The following NUMA1 variants were observed in gnomAD, a reference collection of about 807,000 sequenced individuals.
NUMA1 encodes the protein SP-H antigen.
NUMA1 carries 62 observed loss-of-function variants against 237.1 expected under a neutral mutation model. That is an observed-to-expected ratio of 0.26 (90% CI 0.21 to 0.32). The LOEUF (loss-of-function observed/expected upper bound fraction) is 0.32, where lower values mean the gene tolerates loss of function less well. Among genes scored for constraint, NUMA1 ranks in the 10% least tolerant of loss-of-function variants. The pLI, the probability that NUMA1 is intolerant of heterozygous loss-of-function variation, is 1.00. For synonymous variants in NUMA1, 1,028 were observed against 1,066.1 expected, an observed-to-expected ratio of 0.96 and a Z score of 0.70; for missense variants, 2,533 against 2,666.5, an observed-to-expected ratio of 0.95 and a Z score of 1.10.
chr11:72,004,390 C>T lies in NUMA1; in HGVS notation c.6007-49G>A, dbSNP rs201941227. The T allele has an allele frequency of 1.5e-5, 23 of 1,535,850 alleles. No individual in the cohort carries two copies. The East Asian group carries it at 5.2e-4, about 34-fold the overall frequency. On this transcript the variant is annotated intron_variant, in intron 24 of 26. Transcript: ENST00000393695. ...CAGACAGTAGCAAGAGGAGTCACAT[C>T]TGAAGCCAGGTGTCTTGTCCTCTCA...
Position 72,021,226 on chromosome 11 carries a change from GTCC to G in NUMA1, c.435_437del (p.Glu145del), listed in dbSNP as rs774368557. 6.2e-7 allele frequency: 1 copy of G among 1,614,102 alleles called. No individual in the cohort carries two copies. Among genetic ancestry groups the G allele is most frequent in the South Asian group, 1.1e-5 (1 of 91,082 alleles). On this transcript the variant is annotated inframe_deletion, in exon 8 of 27. Transcript: ENST00000393695. ...TACCTTTCTGTAGGAAGTTCTCTAGGTCCTCATTAAGGTTTAGCCCGTCCTCAT... is the reference window on the plus strand; with the variant it reads ...TACCTTTCTGTAGGAAGTTCTCTAGGTCATTAAGGTTTAGCCCGTCCTCAT...
At chr11:72,055,816 CAA>C (rs34833139) in intron 2 of NUMA1, among the ~76,000 whole-genome samples, 1 of 127,274 alleles carries the variant, frequency 7.9e-6, no homozygotes, top group East Asian at 2.3e-4. Context: ...CCCCATCTCT[CAA>C]AAAAAAAAAA....
intron 8 of NUMA1, 94 bp from the exon 9 acceptor site, chr11:72,019,711 G>T: frequency 1.5e-6 from 2 of 1,364,750 alleles, no homozygotes; most frequent in South Asian, 1.3e-5. Context: ...TCGCCTTAGT[G>T]GGAGTATATC....
intron 3 of NUMA1, among the ~76,000 whole-genome samples, chr11:72,030,302 C>A (rs2135540923): frequency 6.8e-6 from 1 of 147,530 alleles, no homozygotes; most frequent in African/African-American, 2.5e-5. Flanking sequence ...CATCACTGTA[C>A]TCTAGCCTGA....
Position 72,015,300 on chromosome 11 carries a change from A to G in NUMA1, c.2203T>C (p.Cys735Arg), listed in dbSNP as rs1381978137. The G allele has an allele frequency of 6.2e-7, 1 of 1,613,578 alleles. No individual in the cohort carries two copies. The highest frequency in any genetic ancestry group is 8.5e-7 in the Non-Finnish European group (1 of 1,180,026). Residue 735 changes from cysteine to arginine, a missense_variant, in exon 15 of 27, where the codon TGT becomes CGT. Physicochemically the swap from Cys to Arg is radical, Grantham distance 180. Around this residue, in one of 3 missense-constraint regions of NUMA1, gnomAD observed 1,414 missense variants for 1,508.1 expected, o/e 0.94. Transcript: ENST00000393695. This position sits in a 1 kb window ranked among gnomAD's most constrained non-coding sequence, Gnocchi z 4.0. ...AADALEEQQR[C>R]ISELKAETRS... ...GTCTCTGCCTTCAGCTCAGAGATAC[A>G]ACGCTGCTGCTCTTCCAGGGCATCT... is the stretch of plus-strand genomic sequence containing the variant.
At position 72,026,295 on chromosome 11, in the gene NUMA1, T is replaced by C. The variant is rs570243427; in HGVS notation, c.129-1942A>G. The stretch of plus-strand genomic sequence containing the variant: ...GCACTCATGAATGCAACTGCACCAT[T>C]TACAACTGCCCACTCCAACTGCACT... On this transcript the variant is annotated intron_variant, in intron 4 of 26. Coordinates refer to ENST00000393695, the MANE Select transcript of NUMA1 (RefSeq NM_006185.4). Among the ~76,000 whole-genome samples the C allele has an allele frequency of 2.0e-5, 3 of 152,328 alleles. No homozygotes were observed. The East Asian group carries it at 5.8e-4, about 29-fold the overall frequency.
At chr11:72,017,302 T>C (rs1211165783) in intron 13 of NUMA1, 1 of 275,306 alleles carries the variant, frequency 3.6e-6, no homozygotes, top group East Asian at 8.5e-5. Flanking sequence ...AGAGCTTACT[T>C]TACACTACAC....
chr11:72,019,800 CGT>C (rs1257813900), intron 8 of NUMA1, among the ~76,000 whole-genome samples, 183 bp from the exon 9 acceptor site: 1 of 152,158 alleles, frequency 6.6e-6, no homozygotes, highest in East Asian at 1.9e-4. Context: ...TCCAGAGTTC[CGT>C]GTCTCTAACC....
intron 4 of NUMA1, among the ~76,000 whole-genome samples, chr11:72,026,102 C>CCTA (rs1939549468): frequency 1.3e-5 from 2 of 152,242 alleles, no homozygotes; most frequent in African/African-American, 4.8e-5. Flanking sequence ...TCCCCCACCC[C>CCTA]CTACAAAGCC....
intron 2 of NUMA1, among the ~76,000 whole-genome samples, chr11:72,036,428 G>T (rs1300398352): frequency 1.3e-5 from 2 of 152,190 alleles, no homozygotes; most frequent in Admixed American, 1.3e-4. Context: ...ACACCTCTCT[G>T]GGTTATTGTG....
At chr11:72,080,275 C>G (rs1203692761) in intron 1 of NUMA1, 183 bp downstream of exon 1, 8 of 145,820 alleles carry the variant, frequency 5.5e-5, no homozygotes, top group South Asian at 2.3e-4. Context: ...CACCCCCCCC[C>G]CCCCCGGCTC....
At chr11:72,044,973 T>C (rs1941912751) in intron 2 of NUMA1, among the ~76,000 whole-genome samples, 1 of 152,138 alleles carries the variant, frequency 6.6e-6, no homozygotes, top group Admixed American at 6.6e-5. Context: ...CTTGCATTTA[T>C]TTTTAATAAT....
intron 15 of NUMA1, 127 bp from the exon 16 acceptor site, chr11:72,012,569 T>A: frequency 1.1e-6 from 1 of 933,146 alleles, no homozygotes; most frequent in Admixed American, 2.2e-5. Flanking sequence ...ACAGTAAGTT[T>A]AAAAATGCCA....
chr11:72,063,729 C>A (rs1166112791), intron 2 of NUMA1, among the ~76,000 whole-genome samples: 2 of 150,472 alleles, frequency 1.3e-5, no homozygotes, highest in Non-Finnish European at 2.9e-5. Context: ...CCAGCCTGGG[C>A]AACACAGTGA....
At chr11:72,028,459 A>G (rs1190915706) in intron 4 of NUMA1, among the ~76,000 whole-genome samples, 1 of 148,800 alleles carries the variant, frequency 6.7e-6, no homozygotes, top group African/African-American at 2.5e-5. Flanking sequence ...TTAAAAAAAA[A>G]AAAAAAAAAA....
intron 1 of NUMA1, among the ~76,000 whole-genome samples, chr11:72,076,193 G>C (rs1943699149): frequency 6.6e-6 from 1 of 151,634 alleles, no homozygotes; most frequent in African/African-American, 2.4e-5. Context: ...GGGCAACATG[G>C]CAAAACCCTG....
At chr11:72,058,368 C>T (rs1942774303) in intron 2 of NUMA1, among the ~76,000 whole-genome samples, 1 of 152,132 alleles carries the variant, frequency 6.6e-6, no homozygotes, top group Non-Finnish European at 1.5e-5. Flanking sequence ...CATTGCTCTG[C>T]AACTTATCTC....
chr11:72,079,112 T>C (rs1450647818), intron 1 of NUMA1, among the ~76,000 whole-genome samples: 2 of 152,234 alleles, frequency 1.3e-5, no homozygotes, highest in African/African-American at 4.8e-5. Context: ...TCCTGTGCCC[T>C]TTCAGCCCAA....
At chr11:72,030,597 A>C (rs1181465102) in intron 3 of NUMA1, among the ~76,000 whole-genome samples, 1 of 152,228 alleles carries the variant, frequency 6.6e-6, no homozygotes, top group Non-Finnish European at 1.5e-5. Context: ...TTCCACAGGC[A>C]CTACAGTTCA....
Sources: allele counts gnomAD v4.1 joint callset (sites outside exome capture counted in the v4.1 genomes callset), GRCh38; gene constraint gnomAD v4.1.1; regional missense constraint gnomAD v4.1.1; non-coding constraint Gnocchi (gnomAD v3.1); transcripts MANE v1.5; gene names NCBI Gene and HGNC (gene_info 2026-07-23, HGNC 2026-07-21).